The following TSPEAR variants were observed in gnomAD, a reference collection of about 807,000 sequenced individuals.
The protein encoded by TSPEAR is thrombospondin-type laminin G domain and EAR repeat-containing protein.
TSPEAR carries 69 observed loss-of-function variants against 71.6 expected under a neutral mutation model. The ratio of observed to expected loss-of-function variants is 0.96; its 90% confidence interval spans 0.79 to 1.18. The LOEUF (loss-of-function observed/expected upper bound fraction) is 1.18, where lower values mean the gene tolerates loss of function less well. TSPEAR is among the 50% of genes most tolerant of loss of function. The probability of loss-of-function intolerance (pLI) is 0.00; values close to 1 mark genes in which losing one functional copy is unlikely to be tolerated. For missense variants in TSPEAR, 971 were observed against 894.9 expected (o/e 1.09, Z -1.09); for synonymous variants, 402 against 387.2 (o/e 1.04, Z -0.45).
intron 1 of TSPEAR, chr21:44,702,639 C>T (rs554439842): frequency 6.3e-6 from 10 of 1,589,628 alleles, no homozygotes; most frequent in African/African-American, 5.4e-5. Flanking sequence ...ACCCTGTGTG[C>T]AGGCCCACCT....
At chr21:44,675,671 C>A (rs587689556) in intron 1 of TSPEAR, among the ~76,000 whole-genome samples, 66 of 152,202 alleles carry the variant, frequency 4.3e-4, no homozygotes, top group African/African-American at 1.5e-3. Context: ...ACACGAGTTG[C>A]AAAGAAAGCA....
chr21:44,596,174 C>G (rs1228573362), intron 1 of TSPEAR, among the ~76,000 whole-genome samples: 1 of 152,222 alleles, frequency 6.6e-6, no homozygotes, highest in African/African-American at 2.4e-5. Flanking sequence ...AGTTTGTCAC[C>G]AGCTGTCAAC....
At chr21:44,654,096 G>C in intron 1 of TSPEAR, 1 of 613,526 alleles carries the variant, frequency 1.6e-6, no homozygotes, top group Non-Finnish European at 2.9e-6. Flanking sequence ...AGGAGAAACT[G>C]TGTAGAAAGG....
At chr21:44,505,722 G>T (rs2052182532) in intron 10 of TSPEAR, among the ~76,000 whole-genome samples, 2 of 151,752 alleles carry the variant, frequency 1.3e-5, no homozygotes, top group Non-Finnish European at 2.9e-5. Flanking sequence ...GTTCATCCGT[G>T]TCGCACTGTG....
chr21:44,543,300 C>A (rs2053251874), intron 2 of TSPEAR, among the ~76,000 whole-genome samples: 2 of 152,086 alleles, frequency 1.3e-5, no homozygotes, highest in Non-Finnish European at 2.9e-5. Flanking sequence ...ATGGCAAGAA[C>A]ACAAAATTCA....
intron 9 of TSPEAR, among the ~76,000 whole-genome samples, chr21:44,513,409 CATAGA>C (rs2052457081): frequency 6.6e-6 from 1 of 152,240 alleles, no homozygotes; most frequent in African/African-American, 2.4e-5. Flanking sequence ...ATTAGGGACT[CATAGA>C]GGAGAGAGAA....
chr21:44,507,960 A>G (rs7284037), intron 10 of TSPEAR: 6 of 152,128 alleles, frequency 3.9e-5, no homozygotes, highest in Non-Finnish European at 7.4e-5. Context: ...TTTCTTTATT[A>G]TGAGTGTTCT....
chr21:44,572,542 A>C (rs2053818436), intron 1 of TSPEAR, among the ~76,000 whole-genome samples: 2 of 151,482 alleles, frequency 1.3e-5, no homozygotes, highest in South Asian at 2.1e-4. Flanking sequence ...GCCACCCCCC[A>C]TGCTCCACCT....
chr21:44,526,338 G>A (rs782353141), intron 7 of TSPEAR, among the ~76,000 whole-genome samples: 29 of 152,210 alleles, frequency 1.9e-4, no homozygotes, highest in Non-Finnish European at 4.0e-4. Context: ...GTTCATGGAC[G>A]ATGTGCTTGG....
At chr21:44,521,837 G>T (rs781839182) in intron 9 of TSPEAR, 46 bp downstream of exon 9, 1 of 1,553,256 alleles carries the variant, frequency 6.4e-7, no homozygotes. Context: ...GGTGACAGAC[G>T]CAGTGGCCAG....
chr21:44,517,539 G>C, intron 9 of TSPEAR: 1 of 343,418 alleles, frequency 2.9e-6, no homozygotes, highest in South Asian at 2.2e-5. Context: ...TACAGGTCCA[G>C]CTAGGCTGGG....
At chr21:44,615,170 G>A (rs1555932138) in intron 1 of TSPEAR, among the ~76,000 whole-genome samples, 4 of 152,344 alleles carry the variant, frequency 2.6e-5, no homozygotes. Context: ...GTACGTAAGC[G>A]GCACTGTTTG....
intron 1 of TSPEAR, among the ~76,000 whole-genome samples, chr21:44,669,517 G>A (rs1174824129): frequency 1.3e-5 from 2 of 152,170 alleles, no homozygotes; most frequent in South Asian, 2.1e-4. Context: ...CATCAAGGGG[G>A]CAAGGGTGAG....
chr21:44,639,705 C>G (rs1983913142), intron 1 of TSPEAR, among the ~76,000 whole-genome samples: 1 of 152,226 alleles, frequency 6.6e-6, no homozygotes, highest in Non-Finnish European at 1.5e-5. Flanking sequence ...ACATGCATGT[C>G]TGAGCCCCAC....
intron 1 of TSPEAR, chr21:44,666,941 C>G: frequency 6.4e-7 from 1 of 1,567,592 alleles, no homozygotes; most frequent in Non-Finnish European, 8.7e-7. Flanking sequence ...CTGGGGACGG[C>G]CTCCCTGGGC....
chr21:44,557,553 C>T lies in TSPEAR; in HGVS notation c.303+10232G>A, dbSNP rs184552478. Among the ~76,000 whole-genome samples, 26 of 152,028 alleles carry T rather than the reference C, an allele frequency of 1.7e-4. No homozygotes were observed. In the East Asian group the frequency reaches 4.1e-3, roughly 24 times the overall value. ...GGAGGAGCTGAGCCCAGGGAGAGGC[C>T]GGGCCGGGTGGGTGTGGGGGATTCA... On this transcript the variant is annotated intron_variant, in intron 2 of 11. Transcript: ENST00000323084.
At position 44,593,252 on chromosome 21, in the gene TSPEAR, C is replaced by T. The variant is rs868928634; in HGVS notation, c.83-25247G>A. ...GCGGGCGGTCAGCAGCCCTCGTCCCCGCCTGGGGTGGCTCCTCTGTGTGCT... is the reference window on the plus strand; with the variant it reads ...GCGGGCGGTCAGCAGCCCTCGTCCCTGCCTGGGGTGGCTCCTCTGTGTGCT... On this transcript the variant is annotated intron_variant, in intron 1 of 11. Transcript: ENST00000323084. This position sits in a 1 kb window ranked among gnomAD's most constrained non-coding sequence, Gnocchi z 5.9. Among the ~76,000 whole-genome samples the T allele has an allele frequency of 7.9e-5, 12 of 152,286 alleles. No homozygotes were observed. The highest frequency in any genetic ancestry group is 3.4e-3 in the Middle Eastern group (1 of 294).
At chr21:44,602,191 T>C in intron 1 of TSPEAR, 1 of 208,450 alleles carries the variant, frequency 4.8e-6, no homozygotes, top group Non-Finnish European at 1.0e-5. Flanking sequence ...GAATTCATTC[T>C]TGTTGTTCAC....
At chr21:44,514,492 T>C (rs1377950853) in intron 9 of TSPEAR, among the ~76,000 whole-genome samples, 1 of 152,222 alleles carries the variant, frequency 6.6e-6, no homozygotes, top group Non-Finnish European at 1.5e-5. Flanking sequence ...TGGTGGCTGC[T>C]GCTGGCCTTG....
Sources: allele counts gnomAD v4.1 joint callset (sites outside exome capture counted in the v4.1 genomes callset), GRCh38; gene constraint gnomAD v4.1.1; non-coding constraint Gnocchi (gnomAD v3.1); transcripts MANE v1.5; gene names NCBI Gene and HGNC (gene_info 2026-07-23, HGNC 2026-07-21).